The following MIOS variants were observed in gnomAD, a reference collection of about 807,000 sequenced individuals.
MIOS encodes the protein meiosis regulator for oocyte development, also known as GATOR2 complex protein MIOS.
In MIOS, 52 loss-of-function variants were observed where a neutral mutation model predicts 96.9. That is an observed-to-expected ratio of 0.54 (90% CI 0.43 to 0.68). The LOEUF (loss-of-function observed/expected upper bound fraction) is 0.68. Among genes scored for constraint, MIOS ranks in the 30% least tolerant of loss-of-function variants. MIOS has a pLI of 0.00. For missense variants in MIOS, 1,005 were observed against 1,052.8 expected, an observed-to-expected ratio of 0.95 and a Z score of 0.63; for synonymous variants, 397 against 359.5, an observed-to-expected ratio of 1.10 and a Z score of -1.18.
chr7:7,592,368 T>A (rs927108636), intron 9 of MIOS, among the ~76,000 whole-genome samples: 1 of 152,238 alleles, frequency 6.6e-6, no homozygotes, highest in African/African-American at 2.4e-5. Context: ...ATTTCAGTTA[T>A]TGTGCTTTTC....
chr7:7,572,300 TAG>T lies in MIOS; in HGVS notation c.-40-130_-40-129del, dbSNP rs911188700. 4.6e-5 allele frequency: 22 copies of T among 475,496 alleles called. No homozygotes were observed. Among genetic ancestry groups the T allele is most frequent in the Non-Finnish European group, 7.4e-5 (20 of 271,392 alleles). 29.5% of individuals were successfully genotyped at this position (475,496 alleles called of 1,614,324 possible). ...AATATTTTCTTGAATTCATAGCAGA[TAG>T]AGAGAAGAAATACAAATATATTGAA... is the stretch of plus-strand genomic sequence containing the variant. On this transcript the variant is annotated intron_variant, in intron 3 of 12. Coordinates refer to ENST00000340080, the MANE Select transcript of MIOS (RefSeq NM_019005.4). This position sits in a 1 kb window ranked among gnomAD's most constrained non-coding sequence, Gnocchi z 4.8.
intron 8 of MIOS, 150 bp from the exon 9 acceptor site, chr7:7,589,255 C>A: frequency 1.6e-6 from 1 of 621,490 alleles, no homozygotes; most frequent in Non-Finnish European, 2.6e-6. Context: ...GTAATAGATG[C>A]AGACTTCTTA....
chr7:7,577,938 C>T (rs1022121173), intron 5 of MIOS, among the ~76,000 whole-genome samples: 1 of 152,064 alleles, frequency 6.6e-6, no homozygotes, highest in Admixed American at 6.5e-5. Flanking sequence ...GTTCACTTGA[C>T]CCTTGGGATC....
chr7:7,592,269 G>A (rs1218572527), intron 9 of MIOS, among the ~76,000 whole-genome samples: 3 of 152,180 alleles, frequency 2.0e-5, no homozygotes, highest in Non-Finnish European at 4.4e-5. Context: ...GATTACAGGC[G>A]CAAGCCGCTG....
chr7:7,568,160 C>T (rs1053557304), intron 3 of MIOS, 37 bp downstream of exon 3: 1 of 152,080 alleles, frequency 6.6e-6, no homozygotes, highest in Non-Finnish European at 1.5e-5. Flanking sequence ...TATTGCAGAC[C>T]GCACCCCTTC....
intron 3 of MIOS, among the ~76,000 whole-genome samples, chr7:7,568,477 A>C (rs771038979): frequency 6.7e-6 from 1 of 149,176 alleles, no homozygotes; most frequent in Non-Finnish European, 1.5e-5. Context: ...TGTATATTAC[A>C]TGGTGAAAAA....
chr7:7,603,267 A>C (rs2115501913), intron 11 of MIOS, among the ~76,000 whole-genome samples: 1 of 151,896 alleles, frequency 6.6e-6, no homozygotes, highest in African/African-American at 2.4e-5. Context: ...CTACCATCAG[A>C]GTGAACAGGC....
chr7:7,598,510 A>C (rs1056873337), intron 11 of MIOS, among the ~76,000 whole-genome samples: 1 of 152,192 alleles, frequency 6.6e-6, no homozygotes, highest in Non-Finnish European at 1.5e-5. Flanking sequence ...TTACATACTG[A>C]TCACTGTTTT....
chr7:7,587,929 T>G (rs1783940186), intron 7 of MIOS, among the ~76,000 whole-genome samples: 1 of 152,192 alleles, frequency 6.6e-6, no homozygotes, highest in Admixed American at 6.5e-5. Context: ...ACAAAAATTT[T>G]AGTTATTATA....
intron 5 of MIOS, among the ~76,000 whole-genome samples, chr7:7,577,275 A>G (rs1210033369): frequency 6.6e-6 from 1 of 152,224 alleles, no homozygotes; most frequent in South Asian, 2.1e-4. Context: ...CTTCAGATCC[A>G]GCCAAATAAG....
In MIOS at chr7:7,567,057, C is replaced by T. The variant is rs908920462; in HGVS notation, c.-236C>T. 6.6e-6 allele frequency: 1 copy of T among 151,956 alleles called. No individual in the cohort carries two copies. The highest frequency in any genetic ancestry group is 2.4e-5 in the African/African-American group (1 of 41,410). The allele number at this position is 151,956 out of a possible 1,614,324, so 9.4% of individuals were successfully genotyped here. On this transcript the variant is annotated 5_prime_UTR_variant, in exon 1 of 13. Coordinates refer to ENST00000340080, the MANE Select transcript of MIOS (RefSeq NM_019005.4). Reference sequence around the variant, plus strand: ...CGGCCGGAAGCGGCTGTGCGGCGGCCGCGCTGCCACCTCAGGTCAGTGAGC... The same window carrying T: ...CGGCCGGAAGCGGCTGTGCGGCGGCTGCGCTGCCACCTCAGGTCAGTGAGC...
At chr7:7,582,373 C>T (rs943132645) in intron 5 of MIOS, among the ~76,000 whole-genome samples, 56 of 151,954 alleles carry the variant, frequency 3.7e-4, no homozygotes, top group African/African-American at 1.3e-3. Context: ...CATCTTTATT[C>T]GTTTTGACTT....
intron 3 of MIOS, among the ~76,000 whole-genome samples, chr7:7,571,659 C>G (rs908961624): frequency 1.3e-5 from 2 of 152,208 alleles, no homozygotes; most frequent in African/African-American, 4.8e-5. Flanking sequence ...CCAGCTCCTA[C>G]ATTGTGTAGA....
At chr7:7,582,713 C>A in intron 5 of MIOS, 3 of 695,014 alleles carry the variant, frequency 4.3e-6, no homozygotes, top group Non-Finnish European at 5.3e-6. Context: ...AAGACACCTG[C>A]CCTTTTGGAG....
At position 7,608,887 on chromosome 7, in the gene MIOS, TTGTA is replaced by T. The variant is rs896990656; in HGVS notation, c.*1803_*1806del. Reference sequence around the variant, plus strand: ...ATATATGAGGGTGACATTTTTAAGATTGTATGTATGTGTCAACCTCTTAAATGTT... The same window carrying T: ...ATATATGAGGGTGACATTTTTAAGATTGTATGTGTCAACCTCTTAAATGTT... On this transcript the variant is annotated 3_prime_UTR_variant, in exon 13 of 13. Coordinates refer to ENST00000340080, the MANE Select transcript of MIOS (RefSeq NM_019005.4). 2 of 152,088 alleles carry T rather than the reference TTGTA, an allele frequency of 1.3e-5. No homozygotes were observed. Among genetic ancestry groups the T allele is most frequent in the African/African-American group, 2.4e-5 (1 of 41,460 alleles). The allele number at this position is 152,088 out of a possible 1,614,324, so 9.4% of individuals were successfully genotyped here. A position where few individuals can be genotyped will look rare whatever the true frequency, so the allele number is the denominator to read the frequency against.
intron 5 of MIOS, among the ~76,000 whole-genome samples, chr7:7,577,100 A>G (rs753715327): frequency 6.6e-6 from 1 of 152,198 alleles, no homozygotes; most frequent in Non-Finnish European, 1.5e-5. Flanking sequence ...TATTTGATAG[A>G]GTAAATGGAA....
At chr7:7,606,488 C>T (rs1347111040) in intron 12 of MIOS, among the ~76,000 whole-genome samples, 1 of 152,144 alleles carries the variant, frequency 6.6e-6, no homozygotes, top group Non-Finnish European at 1.5e-5. Context: ...TTAAGACTGT[C>T]AAGACATATT....
intron 11 of MIOS, among the ~76,000 whole-genome samples, chr7:7,601,849 C>A (rs552626910): frequency 2.0e-5 from 3 of 152,278 alleles, no homozygotes; most frequent in Admixed American, 2.0e-4. Flanking sequence ...CCAAATCCAG[C>A]AACACATCAA....
At chr7:7,578,751 C>G (rs1783617246) in intron 5 of MIOS, among the ~76,000 whole-genome samples, 1 of 151,864 alleles carries the variant, frequency 6.6e-6, no homozygotes, top group South Asian at 2.1e-4. Flanking sequence ...CTCTCTGTCA[C>G]CCAGGCTGGA....
Sources: gnomAD v4.1 joint callset for allele counts (sites outside exome capture counted in the v4.1 genomes callset) on GRCh38, gnomAD v4.1.1 for gene constraint, Gnocchi (gnomAD v3.1) non-coding constraint, MANE v1.5 for transcripts, NCBI Gene and HGNC (gene_info 2026-07-23, HGNC 2026-07-21) for gene names.